Variants in DMD observed in about 807,000 individuals in gnomAD.
The protein encoded by DMD is dystrophin.
In DMD, 63 loss-of-function variants were observed where a neutral mutation model predicts 330.1. The observed-to-expected ratio is 0.19, with a 90% CI of 0.16 to 0.24. The LOEUF is 0.24. Among genes scored for constraint, DMD ranks in the 10% least tolerant of loss-of-function variants. DMD has a pLI of 1.00. For missense variants in DMD, 3,344 were observed against 2,684.1 expected, an observed-to-expected ratio of 1.25 and a Z score of -5.43; for synonymous variants, 1,223 against 959.8, an observed-to-expected ratio of 1.27 and a Z score of -5.07.
intron 1 of DMD, among the ~76,000 whole-genome samples, chrX:33,323,598 A>AT (rs900247689): frequency 3.6e-5 from 4 of 111,608 alleles, no homozygotes; most frequent in Admixed American, 2.9e-4. Flanking sequence ...TTCATATGAG[A>AT]TTTTTAAAAA....
At chrX:32,733,417 T>A (rs1395035083) in intron 7 of DMD, among the ~76,000 whole-genome samples, 10 of 110,142 alleles carry the variant, frequency 9.1e-5, no homozygotes, top group Non-Finnish European at 1.7e-4. Flanking sequence ...GTGGACCTAA[T>A]AGACATCTAC....
chrX:32,243,804 G>T (rs1218673363), intron 43 of DMD, among the ~76,000 whole-genome samples: 2 of 111,053 alleles, frequency 1.8e-5, no homozygotes, highest in Non-Finnish European at 1.9e-5. Context: ...TTATCACAAT[G>T]TACACAAAAG....
At chrX:32,783,897 C>T (rs2075118711) in intron 7 of DMD, among the ~76,000 whole-genome samples, 1 of 108,503 alleles carries the variant, frequency 9.2e-6, no homozygotes, top group Admixed American at 1.0e-4. Context: ...TTTTTTCATA[C>T]TTAAAGCTGC....
intron 1 of DMD, among the ~76,000 whole-genome samples, chrX:33,323,365 T>A (rs1362374912): frequency 1.2e-4 from 13 of 111,864 alleles, no homozygotes; most frequent in Non-Finnish European, 1.9e-5. Context: ...AGCTGCTTTC[T>A]AGCTGAGGAT....
At chrX:32,730,810 T>C (rs949749363) in intron 7 of DMD, among the ~76,000 whole-genome samples, 5 of 111,299 alleles carry the variant, frequency 4.5e-5, no homozygotes, top group Non-Finnish European at 9.4e-5. Context: ...ATACAGAAAA[T>C]TTTCAGCCAT....
At chrX:32,932,579 A>C (rs1273039343) in intron 2 of DMD, among the ~76,000 whole-genome samples, 1 of 112,251 alleles carries the variant, frequency 8.9e-6, no homozygotes, top group African/African-American at 3.2e-5. Flanking sequence ...AATAAATATC[A>C]TAAGGGTGAA....
intron 2 of DMD, among the ~76,000 whole-genome samples, chrX:33,014,948 A>G (rs1328614770): frequency 1.8e-5 from 2 of 111,971 alleles, no homozygotes; most frequent in Non-Finnish European, 3.8e-5. Flanking sequence ...CAAATAAATT[A>G]AAGTATGGAT....
At position 31,406,648 on chromosome X, in the gene DMD, T is replaced by C. The variant is rs771453740; in HGVS notation, c.9084+37833A>G. ...ATGTCATTTTCATTCTCCAAAAGCC[T>C]CACGAAGTTGGTTTTTAATTCCATT... is the stretch of plus-strand genomic sequence containing the variant. On this transcript the variant is annotated intron_variant, in intron 60 of 78. Coordinates refer to ENST00000357033, the MANE Select transcript of DMD (RefSeq NM_004006.3). Among the ~76,000 whole-genome samples, 25 of 111,316 alleles carry C rather than the reference T, an allele frequency of 2.2e-4. No individual in the cohort carries two copies. In the South Asian group the frequency reaches 7.7e-3, roughly 34 times the overall value.
chrX:32,582,726 C>T (rs2053787321), intron 13 of DMD, among the ~76,000 whole-genome samples: 1 of 111,672 alleles, frequency 9.0e-6, no homozygotes, highest in Admixed American at 9.5e-5. Context: ...CCAAAACAAA[C>T]TTAATGTGAC....
chrX:31,267,312 A>C (rs751719398), intron 62 of DMD, among the ~76,000 whole-genome samples: 7 of 111,767 alleles, frequency 6.3e-5, no homozygotes, highest in African/African-American at 2.3e-4. Flanking sequence ...AAAATAAAAG[A>C]AAAAAATTAT....
intron 44 of DMD, among the ~76,000 whole-genome samples, chrX:32,200,316 TATTA>T (rs2097028530): frequency 8.9e-6 from 1 of 112,083 alleles, no homozygotes; most frequent in Non-Finnish European, 1.9e-5. Flanking sequence ...CATGATGCTT[TATTA>T]AATAGGGTAA....
chrX:32,044,227 T>G (rs1204435948), intron 44 of DMD, among the ~76,000 whole-genome samples: 1 of 110,881 alleles, frequency 9.0e-6, no homozygotes, highest in Non-Finnish European at 1.9e-5. Flanking sequence ...AGGTGGCTAT[T>G]ACACACACCA....
chrX:32,208,905 T>A (rs1231316949), intron 44 of DMD, among the ~76,000 whole-genome samples: 1 of 111,143 alleles, frequency 9.0e-6, no homozygotes, highest in African/African-American at 3.3e-5. Flanking sequence ...ACAGAAGAGG[T>A]GAAGGAAGCT....
intron 11 of DMD, among the ~76,000 whole-genome samples, chrX:32,616,298 G>T (rs375277365): frequency 9.0e-6 from 1 of 111,004 alleles, no homozygotes; most frequent in Non-Finnish European, 1.9e-5. Flanking sequence ...AGCCCCTGTG[G>T]AGTGGGGAGT....
intron 6 of DMD, among the ~76,000 whole-genome samples, chrX:32,813,702 C>A (rs1438120414): frequency 9.0e-6 from 1 of 111,426 alleles, no homozygotes; most frequent in African/African-American, 3.3e-5. Context: ...ACAAATACTA[C>A]TGATGCAAAC....
At chrX:31,433,840 T>C (rs755855778) in intron 60 of DMD, among the ~76,000 whole-genome samples, 1 of 103,759 alleles carries the variant, frequency 9.6e-6, no homozygotes, top group Non-Finnish European at 1.9e-5. Flanking sequence ...AAGTACTACG[T>C]CTTCAGAAAT....
chrX:32,971,897 T>A (rs981979539), intron 2 of DMD, among the ~76,000 whole-genome samples: 2 of 110,979 alleles, frequency 1.8e-5, no homozygotes, highest in African/African-American at 3.3e-5. Flanking sequence ...TCACAAAAGG[T>A]CACTTGATTT....
intron 67 of DMD, among the ~76,000 whole-genome samples, chrX:31,186,890 C>CCACT (rs1347548376): frequency 1.8e-5 from 2 of 112,521 alleles, no homozygotes; most frequent in African/African-American, 3.2e-5. Context: ...GTGCTTACAG[C>CCACT]CACTACACCA....
At chrX:31,385,060 C>T (rs1208007846) in intron 60 of DMD, among the ~76,000 whole-genome samples, 1 of 112,022 alleles carries the variant, frequency 8.9e-6, no homozygotes, top group East Asian at 2.8e-4. Context: ...CCAAAAATTG[C>T]CCATTTCTCC....
Sources: gnomAD v4.1 joint callset for allele counts (sites outside exome capture counted in the v4.1 genomes callset) on GRCh38, gnomAD v4.1.1 for gene constraint, MANE v1.5 for transcripts, NCBI Gene and HGNC (gene_info 2026-07-23, HGNC 2026-07-21) for gene names.